ACAP2: variants seen among roughly 807,000 people sequenced by gnomAD.
ACAP2 encodes arf-GAP with coiled-coil, ANK repeat and PH domain-containing protein 2.
Under a neutral mutation model 115.8 loss-of-function variants are expected in ACAP2, and 39 were observed. That is an observed-to-expected ratio of 0.34 (90% CI 0.26 to 0.44). The LOEUF is 0.44. ACAP2 is among the 20% of genes least tolerant of loss of function. The pLI, the probability that ACAP2 is intolerant of heterozygous loss-of-function variation, is 1.00. For missense variants in ACAP2, 662 were observed against 927.6 expected (o/e 0.71, Z 3.72); for synonymous variants, 289 against 315.8 (o/e 0.92, Z 0.90).
intron 1 of ACAP2, among the ~76,000 whole-genome samples, chr3:195,437,631 T>C (rs767618242): frequency 5.3e-5 from 8 of 151,952 alleles, no homozygotes; most frequent in South Asian, 2.1e-4. Flanking sequence ...CTGGCCAACA[T>C]AGTGAAACCC....
chr3:195,308,741 A>G (rs377403886), intron 11 of ACAP2, 45 bp downstream of exon 11: 2 of 1,479,156 alleles, frequency 1.4e-6, no homozygotes, highest in Non-Finnish European at 1.9e-6. Flanking sequence ...ACAGATAAAT[A>G]ACTGAAACTG....
intron 4 of ACAP2, among the ~76,000 whole-genome samples, chr3:195,360,220 C>T (rs946526385): frequency 3.3e-5 from 5 of 151,860 alleles, no homozygotes; most frequent in Non-Finnish European, 5.9e-5. Context: ...GGAACAGAAA[C>T]AGCTATATTT....
At chr3:195,371,538 C>T (rs1238403345) in intron 4 of ACAP2, among the ~76,000 whole-genome samples, 1 of 152,296 alleles carries the variant, frequency 6.6e-6, no homozygotes, top group South Asian at 2.1e-4. Context: ...TATTTGGATG[C>T]CCTTTATTTC....
intron 1 of ACAP2, among the ~76,000 whole-genome samples, chr3:195,408,125 A>ATT (rs1712943011): frequency 6.6e-6 from 1 of 152,224 alleles, no homozygotes; most frequent in Non-Finnish European, 1.5e-5. Context: ...AGAAAATCTG[A>ATT]ATAGACTTAT....
rs756945844 is a variant in ACAP2 at position 195,295,662 on chromosome 3, G to C, written c.1672+46C>G. On this transcript the variant is annotated intron_variant, in intron 17 of 22. Transcript: ENST00000326793. ...AGTTCAGGGATTATAAAAGTGATTT[G>C]AGCTTAAGAAAATAGCTATAGACAC... 30 of 1,598,096 alleles carry C rather than the reference G, an allele frequency of 1.9e-5. 1 individual carries two copies. In the South Asian group the frequency reaches 3.0e-4, roughly 16 times the overall value.
intron 15 of ACAP2, among the ~76,000 whole-genome samples, chr3:195,300,044 C>CTTTTTTTTTTTTTTTT (rs765234326): frequency 3.2e-4 from 11 of 34,348 alleles, no homozygotes; most frequent in Admixed American, 5.4e-4. Context: ...CTTTTTTTTT[C>CTTTTTTTTTTTTTTTT]TTTTTTTTTT....
intron 13 of ACAP2, among the ~76,000 whole-genome samples, chr3:195,303,086 C>T (rs1174629608): frequency 6.6e-6 from 1 of 152,178 alleles, no homozygotes; most frequent in African/African-American, 2.4e-5. Flanking sequence ...CGTGGTGGCG[C>T]ACACCTGTGA....
intron 1 of ACAP2, among the ~76,000 whole-genome samples, chr3:195,432,740 T>C (rs967397463): frequency 6.6e-6 from 1 of 152,204 alleles, no homozygotes; most frequent in Non-Finnish European, 1.5e-5. Context: ...GGAATTTTCA[T>C]AGAGATTGCG....
chr3:195,296,933 C>G (rs1727691124), intron 16 of ACAP2, among the ~76,000 whole-genome samples: 1 of 152,116 alleles, frequency 6.6e-6, no homozygotes. Flanking sequence ...CTTTAACTGA[C>G]TGTTAAGGGT....
At chr3:195,309,335 A>T (rs1728611342) in intron 10 of ACAP2, among the ~76,000 whole-genome samples, 1 of 152,146 alleles carries the variant, frequency 6.6e-6, no homozygotes, top group Admixed American at 6.5e-5. Context: ...TGAGGTCGTC[A>T]GGAGTTCGAG....
chr3:195,333,431 G>A (rs1283480228), intron 7 of ACAP2, among the ~76,000 whole-genome samples: 1 of 152,148 alleles, frequency 6.6e-6, no homozygotes, highest in East Asian at 1.9e-4. Context: ...AAACTCCTGG[G>A]TTCAAGCAAT....
In ACAP2 at chr3:195,296,610, C is replaced by A. The variant is rs111965945; in HGVS notation, c.1487+580G>T. On this transcript the variant is annotated intron_variant, in intron 16 of 22. Transcript: ENST00000326793. ...AGACTCAGACAGAAATCAGTATCAA[C>A]AACAAAAATCATGTGCTTTGAAGGT... Among the ~76,000 whole-genome samples the A allele has an allele frequency of 5.9e-3, 901 of 152,248 alleles. 10 individuals carry two copies. Among genetic ancestry groups the A allele is most frequent in the African/African-American group, 0.019 (793 of 41,558 alleles).
At chr3:195,368,509 C>A (rs1732888649) in intron 4 of ACAP2, among the ~76,000 whole-genome samples, 1 of 152,174 alleles carries the variant, frequency 6.6e-6, no homozygotes, top group South Asian at 2.1e-4. Context: ...CTTCCTCCTG[C>A]ATTCCCATTT....
intron 4 of ACAP2, among the ~76,000 whole-genome samples, chr3:195,367,039 C>T (rs976302231): frequency 6.8e-6 from 1 of 147,654 alleles, no homozygotes; most frequent in African/African-American, 2.5e-5. Context: ...ACTTATATGC[C>T]CCCCAACCCC....
chr3:195,439,800 T>C (rs1715867002), intron 1 of ACAP2, among the ~76,000 whole-genome samples: 1 of 151,992 alleles, frequency 6.6e-6, no homozygotes, highest in African/African-American at 2.4e-5. Context: ...CTAATTTTTG[T>C]ATTTTTAGTA....
At chr3:195,431,129 T>C (rs1293992470) in intron 1 of ACAP2, among the ~76,000 whole-genome samples, 1 of 152,206 alleles carries the variant, frequency 6.6e-6, no homozygotes, top group Non-Finnish European at 1.5e-5. Flanking sequence ...TCACATAAAA[T>C]TATATAATAT....
At chr3:195,347,329 A>T (rs974105333) in intron 4 of ACAP2, among the ~76,000 whole-genome samples, 1 of 152,184 alleles carries the variant, frequency 6.6e-6, no homozygotes, top group African/African-American at 2.4e-5. Context: ...TCAAGCAACA[A>T]TATGACATTA....
chr3:195,295,005 A>T (rs1229907906), intron 17 of ACAP2, among the ~76,000 whole-genome samples, 194 bp from the exon 18 acceptor site: 2 of 152,192 alleles, frequency 1.3e-5, no homozygotes, highest in Non-Finnish European at 2.9e-5. Flanking sequence ...AAAACCTGAA[A>T]ATAAACTTAT....
At chr3:195,339,401 T>A (rs1263498471) in intron 6 of ACAP2, among the ~76,000 whole-genome samples, 1 of 151,560 alleles carries the variant, frequency 6.6e-6, no homozygotes, top group African/African-American at 2.4e-5. Context: ...TGATATGTCT[T>A]TTTTTCTATT....
Sources: gnomAD v4.1 joint callset for allele counts (sites outside exome capture counted in the v4.1 genomes callset) on GRCh38, gnomAD v4.1.1 for gene constraint, MANE v1.5 for transcripts, NCBI Gene and HGNC (gene_info 2026-07-23, HGNC 2026-07-21) for gene names.